RTKN2: variants seen among roughly 807,000 people sequenced by gnomAD.
The protein encoded by RTKN2 is rhotekin 2, also known as rhotekin-2.
In RTKN2, 69 loss-of-function variants were observed where a neutral mutation model predicts 71.5. That is an observed-to-expected ratio of 0.96 (90% CI 0.79 to 1.18). The LOEUF (loss-of-function observed/expected upper bound fraction) is 1.18. RTKN2 is among the 50% of genes most tolerant of loss of function. The pLI, the probability that RTKN2 is intolerant of heterozygous loss-of-function variation, is 0.00. For missense variants in RTKN2, 724 were observed against 719.7 expected (o/e 1.01, Z -0.07); for synonymous variants, 236 against 236.5 (o/e 1.00, Z 0.02).
Position 62,196,770 on chromosome 10 carries a change from A to T in RTKN2, c.*1138T>A, listed in dbSNP as rs1841339977. 1 of 978,712 alleles carries T rather than the reference A, an allele frequency of 1.0e-6. No individual in the cohort carries two copies. The highest frequency in any genetic ancestry group is 1.2e-6 in the Non-Finnish European group (1 of 823,854). The allele number at this position is 978,712 out of a possible 1,614,324, so 60.6% of individuals were successfully genotyped here. Reference sequence around the variant, plus strand: ...ATTTGGAAATTCTAATTAGATTTTTAAAACTGTTCTGCTCTTGTTTACAAA... The same window carrying T: ...ATTTGGAAATTCTAATTAGATTTTTTAAACTGTTCTGCTCTTGTTTACAAA... On this transcript the variant is annotated 3_prime_UTR_variant, in exon 12 of 12. Coordinates refer to ENST00000373789, the MANE Select transcript of RTKN2 (RefSeq NM_145307.4).
chr10:62,259,867 C>T (rs1284639036), intron 2 of RTKN2, among the ~76,000 whole-genome samples: 3 of 152,132 alleles, frequency 2.0e-5, no homozygotes, highest in Admixed American at 2.0e-4. Context: ...TGTAATTTTT[C>T]TCGGAATGCT....
intron 3 of RTKN2, among the ~76,000 whole-genome samples, chr10:62,242,538 C>T (rs578045534): frequency 6.6e-6 from 1 of 152,078 alleles, no homozygotes. Context: ...TATCTTGAAT[C>T]CAGCCACTTT....
Position 62,195,158 on chromosome 10 carries a change from CT to C in RTKN2, c.*2749del. On this transcript the variant is annotated 3_prime_UTR_variant, in exon 12 of 12. Transcript: ENST00000373789. ...GAGCTTGAAATGTAAAGGTAATTGTCTAAGACATTATCTTTAGATCATCAGA... is the reference window on the plus strand; with the variant it reads ...GAGCTTGAAATGTAAAGGTAATTGTCAAGACATTATCTTTAGATCATCAGA... 1 of 973,968 alleles carries C rather than the reference CT, an allele frequency of 1.0e-6. No individual in the cohort carries two copies. Among genetic ancestry groups the C allele is most frequent in the Non-Finnish European group, 1.2e-6 (1 of 819,620 alleles). 60.3% of individuals were successfully genotyped at this position (973,968 alleles called of 1,614,324 possible).
chr10:62,261,321 G>A (rs573364924), intron 2 of RTKN2, among the ~76,000 whole-genome samples: 536 of 152,178 alleles, frequency 3.5e-3, no homozygotes, highest in Non-Finnish European at 6.4e-3. Context: ...CCACTGTAAG[G>A]AAGGAACTGA....
intron 9 of RTKN2, among the ~76,000 whole-genome samples, chr10:62,215,339 T>C (rs67511534): frequency 0.087 from 13,272 of 151,872 alleles, 775 homozygotes; most frequent in South Asian, 0.25. Context: ...TTTTAAAAAA[T>C]GTCAATGTAA....
chr10:62,222,145 G>A (rs182794261), intron 7 of RTKN2, among the ~76,000 whole-genome samples: 4 of 152,304 alleles, frequency 2.6e-5, no homozygotes, highest in Admixed American at 6.5e-5. Flanking sequence ...GTCTCACTCT[G>A]TAGCCCAGGC....
At chr10:62,184,473 C>A in intron 8 of RTKN2, 2 of 662,610 alleles carry the variant, frequency 3.0e-6, no homozygotes, top group Non-Finnish European at 5.0e-6. Flanking sequence ...TCACAAAAGG[C>A]AGTCAGTGGA....
chr10:62,267,768 G>A (rs572197146), intron 1 of RTKN2, among the ~76,000 whole-genome samples: 1 of 152,226 alleles, frequency 6.6e-6, no homozygotes, highest in South Asian at 2.1e-4. Context: ...TTCTGAAGTA[G>A]GTAAAAGAAG....
chr10:62,266,959 G>A (rs1842878757), intron 1 of RTKN2, among the ~76,000 whole-genome samples: 1 of 152,218 alleles, frequency 6.6e-6, no homozygotes. Flanking sequence ...GGACTCCAGG[G>A]TTTCAGCAGA....
At chr10:62,185,167 C>G (rs1462495313) in intron 8 of RTKN2, among the ~76,000 whole-genome samples, 1 of 151,634 alleles carries the variant, frequency 6.6e-6, no homozygotes, top group Non-Finnish European at 1.5e-5. Flanking sequence ...CTCCTTATTT[C>G]TATAATCTAT....
At chr10:62,223,184 A>C in intron 7 of RTKN2, 54 bp downstream of exon 7, 1 of 1,009,196 alleles carries the variant, frequency 9.9e-7, no homozygotes, top group Non-Finnish European at 1.5e-6. Context: ...AACATACTAT[A>C]ATTAGAAATA....
chr10:62,248,448 T>C (rs1269930571), intron 2 of RTKN2, among the ~76,000 whole-genome samples: 2 of 152,176 alleles, frequency 1.3e-5, no homozygotes, highest in African/African-American at 4.8e-5. Flanking sequence ...ATATAAATAC[T>C]TGTTCAAAAA....
At chr10:62,237,245 T>G (rs943760721) in intron 5 of RTKN2, among the ~76,000 whole-genome samples, 6 of 151,966 alleles carry the variant, frequency 3.9e-5, no homozygotes, top group African/African-American at 1.4e-4. Flanking sequence ...ACAATAAAAT[T>G]TCTTTTTAAA....
rs570005457 is a variant in RTKN2 at position 62,221,653 on chromosome 10, C to T, written c.781+1585G>A. The stretch of plus-strand genomic sequence containing the variant: ...AGTAAAAATAGATATAACTATGGGT[C>T]GAAAAATCCACAATCACAGAAGGAG... On this transcript the variant is annotated intron_variant, in intron 7 of 11. Transcript: ENST00000373789. 3.1e-4 allele frequency among the ~76,000 whole-genome samples: 47 copies of T among 152,032 alleles called. 1 individual carries two copies. In the South Asian group the frequency reaches 9.5e-3, roughly 31 times the overall value.
At chr10:62,207,265 C>G (rs976471453) in intron 9 of RTKN2, among the ~76,000 whole-genome samples, 1 of 151,824 alleles carries the variant, frequency 6.6e-6, no homozygotes, top group African/African-American at 2.4e-5. Flanking sequence ...GAATATAATG[C>G]AAAAATATAT....
intron 6 of RTKN2, among the ~76,000 whole-genome samples, chr10:62,227,549 TA>T (rs1383479237): frequency 6.6e-6 from 1 of 151,878 alleles, no homozygotes; most frequent in Admixed American, 6.6e-5. Flanking sequence ...AAAAGGTAAG[TA>T]GGGGGCAGAC....
At position 62,236,101 on chromosome 10, in the gene RTKN2, A is replaced by G; in HGVS notation, c.651T>C (p.Asp217=). 6.2e-7 allele frequency: 1 copy of G among 1,612,978 alleles called. No individual in the cohort carries two copies. The highest frequency in any genetic ancestry group is 2.2e-5 in the East Asian group (1 of 44,790). ...KKISSVLQEE[D]DEMCLLLSSA... is the part of the protein sequence containing the mutation. ...AGCTGAGGAGCAAGCACATTTCATCATCCTCTTCTTGAAGCACTGAACTTA... is the reference window on the plus strand; with the variant it reads ...AGCTGAGGAGCAAGCACATTTCATCGTCCTCTTCTTGAAGCACTGAACTTA... Residue 217 remains aspartate, a synonymous_variant, in exon 6 of 12, where the codon GAT becomes GAC. Coordinates refer to ENST00000373789, the MANE Select transcript of RTKN2 (RefSeq NM_145307.4).
intron 2 of RTKN2, among the ~76,000 whole-genome samples, chr10:62,259,942 A>G (rs928240006): frequency 2.0e-5 from 3 of 152,020 alleles, no homozygotes; most frequent in Non-Finnish European, 2.9e-5. Context: ...TCCAAACCCA[A>G]TTGTTCTATT....
Position 62,214,948 on chromosome 10 carries a change from T to A in RTKN2, c.1020+2170A>T, listed in dbSNP as rs143715980. 1,997 of 630,788 alleles carry A rather than the reference T, an allele frequency of 3.2e-3. 29 individuals are homozygous for A. The African/African-American group carries it at 0.035, about 11-fold the overall frequency. The allele number at this position is 630,788 out of a possible 1,614,324, so 39.1% of individuals were successfully genotyped here. On this transcript the variant is annotated intron_variant, in intron 9 of 11. Coordinates refer to ENST00000373789, the MANE Select transcript of RTKN2 (RefSeq NM_145307.4). ...TTCCTTACTAGTTTGGAAAGTTCTA[T>A]CTGATCTCTGAGACTATTTCTTCAC...
Sources: allele counts gnomAD v4.1 joint callset (sites outside exome capture counted in the v4.1 genomes callset), GRCh38; gene constraint gnomAD v4.1.1; transcripts MANE v1.5; gene names NCBI Gene and HGNC (gene_info 2026-07-23, HGNC 2026-07-21).